NCAM2: variants seen among roughly 807,000 people sequenced by gnomAD.
NCAM2 encodes the protein neural cell adhesion molecule 2, also known as N-CAM-2.
In NCAM2, 30 loss-of-function variants were observed where a neutral mutation model predicts 98.1. The observed-to-expected ratio is 0.31, with a 90% CI of 0.23 to 0.41. The LOEUF (loss-of-function observed/expected upper bound fraction) is 0.41. NCAM2 is among the 10% of genes least tolerant of loss of function. The pLI, the probability that NCAM2 is intolerant of heterozygous loss-of-function variation, is 1.00. For missense variants in NCAM2, 867 were observed against 1,005.8 expected (o/e 0.86, Z 1.87); for synonymous variants, 368 against 342.4 (o/e 1.07, Z -0.83).
intron 1 of NCAM2, among the ~76,000 whole-genome samples, chr21:21,095,224 T>C (rs994464463): frequency 3.3e-5 from 5 of 151,724 alleles, no homozygotes; most frequent in African/African-American, 1.2e-4. Flanking sequence ...TCCAGTTTAA[T>C]TTTCATTTGT....
chr21:21,176,010 C>T (rs984999647), intron 1 of NCAM2, among the ~76,000 whole-genome samples: 3 of 152,050 alleles, frequency 2.0e-5, no homozygotes, highest in Non-Finnish European at 4.4e-5. Context: ...CAGAAACGTC[C>T]AGTATTTATT....
intron 1 of NCAM2, among the ~76,000 whole-genome samples, chr21:21,254,742 G>C (rs2071600245): frequency 6.6e-6 from 1 of 152,148 alleles, no homozygotes; most frequent in South Asian, 2.1e-4. Context: ...AAATATGCAT[G>C]AAGTATGTGT....
At chr21:21,244,716 A>G (rs1306386124) in intron 1 of NCAM2, among the ~76,000 whole-genome samples, 1 of 151,628 alleles carries the variant, frequency 6.6e-6, no homozygotes, top group Non-Finnish European at 1.5e-5. Context: ...GAGTGGTGGC[A>G]GGTGCCTGTA....
In NCAM2 at chr21:21,534,601, G is replaced by A. The variant is rs1321763376; in HGVS notation, c.2347G>A (p.Glu783Lys). 9 of 1,610,514 alleles carry A rather than the reference G, an allele frequency of 5.6e-6. No individual in the cohort carries two copies. The highest frequency in any genetic ancestry group is 1.3e-5 in the African/African-American group (1 of 74,810). The change falls in exon 17 of 18, where the codon GAA becomes AAA. Residue 783 changes from glutamate (E) to lysine (K), a missense_variant. Glu to Lys is a moderately conservative substitution (Grantham distance 56). This residue lies in a region of NCAM2 where 125 missense variants were observed against 116.1 expected (regional missense o/e 1.08). Coordinates refer to ENST00000400546, the MANE Select transcript of NCAM2 (RefSeq NM_004540.5). ...RTEDERVTNH[E>K]DGSPVNEPNE... ...AGAGGATGAAAGAGTTACTAATCAC[G>A]AAGATGGGAGCCCAGTAAATGAGCC...
At chr21:21,056,188 C>T (rs9636691) in intron 1 of NCAM2, among the ~76,000 whole-genome samples, 9,103 of 152,060 alleles carry the variant, frequency 0.06, 287 homozygotes, top group East Asian at 0.096. Flanking sequence ...AAATGATGCA[C>T]TTTAAGATCT....
At chr21:21,354,863 A>C (rs960994986) in intron 8 of NCAM2, among the ~76,000 whole-genome samples, 27 of 152,210 alleles carry the variant, frequency 1.8e-4, no homozygotes, top group African/African-American at 5.8e-4. Flanking sequence ...GAGACCAATA[A>C]ACTGAATAAA....
intron 1 of NCAM2, among the ~76,000 whole-genome samples, chr21:21,243,893 A>G (rs1416633526): frequency 6.6e-6 from 1 of 152,202 alleles, no homozygotes; most frequent in East Asian, 1.9e-4. Flanking sequence ...TATGAGGAAG[A>G]TAAACAGCCA....
At chr21:21,452,491 C>A in intron 12 of NCAM2, among the ~76,000 whole-genome samples, 1 of 128,276 alleles carries the variant, frequency 7.8e-6, no homozygotes, top group Non-Finnish European at 1.6e-5. Flanking sequence ...GATAAAATAT[C>A]AATTTATATA....
At chr21:21,436,552 T>TC (rs1978350878) in intron 12 of NCAM2, among the ~76,000 whole-genome samples, 1 of 152,180 alleles carries the variant, frequency 6.6e-6, no homozygotes, top group South Asian at 2.1e-4. Context: ...AAGGATTTTT[T>TC]CTCCTAGTTT....
intron 1 of NCAM2, among the ~76,000 whole-genome samples, chr21:21,244,867 A>G (rs2071204836): frequency 7.5e-6 from 1 of 133,552 alleles, no homozygotes; most frequent in Non-Finnish European, 1.6e-5. Flanking sequence ...AAAAAAAAGG[A>G]CATACGGTAT....
At chr21:21,222,779 A>G (rs951039506) in intron 1 of NCAM2, among the ~76,000 whole-genome samples, 1 of 152,208 alleles carries the variant, frequency 6.6e-6, no homozygotes, top group African/African-American at 2.4e-5. Context: ...AACTTAGTTG[A>G]TAAAGCAGCA....
chr21:21,530,853 A>G (rs540814245), intron 16 of NCAM2, among the ~76,000 whole-genome samples: 1 of 152,134 alleles, frequency 6.6e-6, no homozygotes, highest in South Asian at 2.1e-4. Context: ...TAGATGTAGA[A>G]TGGAAGGCCA....
At chr21:21,421,057 G>T (rs1451745619) in intron 11 of NCAM2, among the ~76,000 whole-genome samples, 1 of 151,450 alleles carries the variant, frequency 6.6e-6, no homozygotes, top group Non-Finnish European at 1.5e-5. Flanking sequence ...TATTAATATT[G>T]ATCCAGTATT....
intron 15 of NCAM2, among the ~76,000 whole-genome samples, chr21:21,507,422 G>C (rs1284742992): frequency 3.3e-5 from 5 of 152,024 alleles, no homozygotes; most frequent in African/African-American, 1.2e-4. Flanking sequence ...ACCCGTATCT[G>C]TCACTTGTGT....
At chr21:20,999,551 G>C (rs1464843260) in intron 1 of NCAM2, among the ~76,000 whole-genome samples, 1 of 152,106 alleles carries the variant, frequency 6.6e-6, no homozygotes, top group East Asian at 1.9e-4. Context: ...GACACAAAAT[G>C]CTAAAACATG....
chr21:21,152,824 TG>T (rs2067486074), intron 1 of NCAM2, among the ~76,000 whole-genome samples: 2 of 151,984 alleles, frequency 1.3e-5, no homozygotes, highest in African/African-American at 4.8e-5. Flanking sequence ...ACAGACTCAA[TG>T]GGACACTTAT....
chr21:21,054,794 G>C (rs1176184729), intron 1 of NCAM2, among the ~76,000 whole-genome samples: 1 of 152,020 alleles, frequency 6.6e-6, no homozygotes, highest in Non-Finnish European at 1.5e-5. Flanking sequence ...GACAAAATCT[G>C]AACAGTGTGC....
intron 1 of NCAM2, among the ~76,000 whole-genome samples, chr21:21,053,420 G>A (rs866500096): frequency 2.4e-4 from 37 of 151,862 alleles, no homozygotes; most frequent in Middle Eastern, 3.2e-3. Context: ...AACCTGTGAA[G>A]CATGTGGACC....
At chr21:21,385,395 C>A (rs2588650) in intron 9 of NCAM2, among the ~76,000 whole-genome samples, 1 of 150,672 alleles carries the variant, frequency 6.6e-6, no homozygotes, top group South Asian at 2.1e-4. Context: ...CACACACACA[C>A]ACACGCACAC....
Sources: gnomAD v4.1 joint callset for allele counts (sites outside exome capture counted in the v4.1 genomes callset) on GRCh38, gnomAD v4.1.1 for gene constraint, gnomAD v4.1.1 regional missense constraint, MANE v1.5 for transcripts, NCBI Gene and HGNC (gene_info 2026-07-23, HGNC 2026-07-21) for gene names.